Variants in CFAP299 observed in about 807,000 individuals in gnomAD.
CFAP299 encodes the protein cilia- and flagella-associated protein 299.
CFAP299 carries 21 observed loss-of-function variants against 27.0 expected under a neutral mutation model. The observed-to-expected ratio is 0.78, with a 90% CI of 0.55 to 1.12. The LOEUF is 1.12. Ranked by LOEUF, CFAP299 falls within the 50% of genes most tolerant of loss-of-function variation. The pLI is 0.00. For missense variants in CFAP299, 310 were observed against 276.6 expected, an observed-to-expected ratio of 1.12 and a Z score of -0.86; for synonymous variants, 104 against 98.1, an observed-to-expected ratio of 1.06 and a Z score of -0.36.
chr4:80,327,863 G>A, the CFAP299 span, among the ~76,000 whole-genome samples: 1 of 148,362 alleles, frequency 6.7e-6, no homozygotes, highest in East Asian at 2.0e-4. Context: ...ATTCAAACAT[G>A]TAGAAGTTTA....
At chr4:80,646,214 G>C (rs1740003407) in intron 3 of CFAP299, among the ~76,000 whole-genome samples, 1 of 152,226 alleles carries the variant, frequency 6.6e-6, no homozygotes, top group Non-Finnish European at 1.5e-5. Flanking sequence ...CTGTATTAGA[G>C]AGTTTAGCCT....
chr4:80,423,390 C>T (rs1306267387), intron 2 of CFAP299, among the ~76,000 whole-genome samples: 1 of 152,124 alleles, frequency 6.6e-6, no homozygotes, highest in African/African-American at 2.4e-5. Context: ...TCTAGGGTTG[C>T]CAGATTTAGC....
intron 2 of CFAP299, among the ~76,000 whole-genome samples, chr4:80,409,785 A>G (rs978614735): frequency 6.6e-6 from 1 of 152,236 alleles, no homozygotes; most frequent in African/African-American, 2.4e-5. Flanking sequence ...AGCATACATG[A>G]GTACAAAGCA....
chr4:80,597,107 A>G (rs190919529), intron 3 of CFAP299, among the ~76,000 whole-genome samples: 3 of 152,298 alleles, frequency 2.0e-5, no homozygotes, highest in East Asian at 3.9e-4. Flanking sequence ...GCTAGGTCAT[A>G]GGACCTATGT....
rs375493901 is a variant in CFAP299 at position 80,946,638 on chromosome 4, C to G, written c.606+1699C>G. 4.1e-3 allele frequency among the ~76,000 whole-genome samples: 618 copies of G among 152,326 alleles called. 1 individual carries two copies. Among genetic ancestry groups the G allele is most frequent in the Middle Eastern group, 0.014 (4 of 294 alleles). ...CTGGCAGGTTCTAACACAATGCTAT[C>G]TCCTTCAAAATAACAATACTCTTTT... On this transcript the variant is annotated intron_variant, in intron 5 of 5. Transcript: ENST00000358105.
chr4:80,693,609 G>A (rs1720893091), intron 3 of CFAP299, among the ~76,000 whole-genome samples: 1 of 151,202 alleles, frequency 6.6e-6, no homozygotes, highest in South Asian at 2.1e-4. Flanking sequence ...TTACGAATTA[G>A]TGGGTGCACC....
At chr4:80,674,729 CT>C (rs1418098638) in intron 3 of CFAP299, among the ~76,000 whole-genome samples, 2 of 152,070 alleles carry the variant, frequency 1.3e-5, no homozygotes, top group East Asian at 3.9e-4. Flanking sequence ...TCTTTTTACT[CT>C]TTTTTTCTCT....
chr4:80,460,462 C>T (rs1729384076), intron 2 of CFAP299, among the ~76,000 whole-genome samples: 1 of 152,172 alleles, frequency 6.6e-6, no homozygotes, highest in African/African-American at 2.4e-5. Flanking sequence ...GTGCTATCAA[C>T]CTCTGGCCAG....
chr4:80,359,633 A>G (rs1242760491), intron 1 of CFAP299, among the ~76,000 whole-genome samples: 1 of 152,212 alleles, frequency 6.6e-6, no homozygotes. Flanking sequence ...TTGTGATTAC[A>G]TAATGAAATT....
At chr4:80,762,476 C>T (rs1281353385) in intron 3 of CFAP299, among the ~76,000 whole-genome samples, 2 of 152,042 alleles carry the variant, frequency 1.3e-5, no homozygotes, top group Non-Finnish European at 2.9e-5. Flanking sequence ...TATCAATGCA[C>T]CTGGTCCTGG....
chr4:80,786,190 G>T (rs1264483807), intron 3 of CFAP299, among the ~76,000 whole-genome samples: 1 of 152,038 alleles, frequency 6.6e-6, no homozygotes, highest in African/African-American at 2.4e-5. Flanking sequence ...TATAGTTTTT[G>T]CAGAAAGAAC....
At chr4:80,453,887 A>C (rs569149345) in intron 2 of CFAP299, among the ~76,000 whole-genome samples, 82 of 144,086 alleles carry the variant, frequency 5.7e-4, no homozygotes, top group African/African-American at 1.5e-3. Context: ...TAATAATAAT[A>C]ATCTTGCAAG....
intron 2 of CFAP299, chr4:80,387,781 C>T: frequency 1.3e-6 from 2 of 1,586,626 alleles, no homozygotes; most frequent in Non-Finnish European, 8.6e-7. Flanking sequence ...TGACTTGTCA[C>T]AGTATGGGCA....
intron 3 of CFAP299, among the ~76,000 whole-genome samples, chr4:80,833,466 C>A (rs906468145): frequency 2.6e-5 from 4 of 151,882 alleles, no homozygotes; most frequent in Non-Finnish European, 4.4e-5. Context: ...ACTGTGTGCA[C>A]ACAGTAGGTG....
intron 3 of CFAP299, among the ~76,000 whole-genome samples, chr4:80,815,074 T>G (rs1729354694): frequency 6.6e-6 from 1 of 151,538 alleles, no homozygotes; most frequent in South Asian, 2.1e-4. Context: ...CAAAGAAAAG[T>G]CCCAAACTCA....
rs376996979 is a variant in CFAP299, at chr4:80,752,205, C to T, written c.334-117788C>T. On this transcript the variant is annotated intron_variant, in intron 3 of 5. Transcript: ENST00000358105. Reference sequence around the variant, plus strand: ...CTCCTCCACCCCCTTCACTTTTCTTCCTTCTCCATGAGTCGAGTTGTTTGG... The same window carrying T: ...CTCCTCCACCCCCTTCACTTTTCTTTCTTCTCCATGAGTCGAGTTGTTTGG... Among the ~76,000 whole-genome samples, 7 of 152,156 alleles carry T rather than the reference C, an allele frequency of 4.6e-5. No individual in the cohort carries two copies. The East Asian group carries it at 1.4e-3, about 29-fold the overall frequency.
At chr4:80,372,356 G>A (rs1471001607) in intron 2 of CFAP299, among the ~76,000 whole-genome samples, 1 of 152,220 alleles carries the variant, frequency 6.6e-6, no homozygotes, top group Admixed American at 6.5e-5. Context: ...TGGTGGGAAT[G>A]CAGATTCAAA....
Position 80,418,250 on chromosome 4 carries a change from C to T in CFAP299, c.242+55366C>T, listed in dbSNP as rs150455120. Among the ~76,000 whole-genome samples, 711 of 152,224 alleles carry T rather than the reference C, an allele frequency of 4.7e-3. 6 individuals carry two copies. Among genetic ancestry groups the T allele is most frequent in the Non-Finnish European group, 6.4e-3 (435 of 68,018 alleles). ...AAGCCCCACTATTCTATGGCTTCCA[C>T]ATCTGTCTCTGCTCTTCTGTGTATA... On this transcript the variant is annotated intron_variant, in intron 2 of 5. Transcript: ENST00000358105.
At chr4:80,724,958 G>GT (rs1488339794) in intron 3 of CFAP299, among the ~76,000 whole-genome samples, 1 of 86,290 alleles carries the variant, frequency 1.2e-5, no homozygotes, top group Non-Finnish European at 2.5e-5. Flanking sequence ...CCTTCTTTCT[G>GT]TTTTTTTGAG....
Sources: allele counts gnomAD v4.1 joint callset (sites outside exome capture counted in the v4.1 genomes callset), GRCh38; gene constraint gnomAD v4.1.1; transcripts MANE v1.5; gene names NCBI Gene and HGNC (gene_info 2026-07-23, HGNC 2026-07-21).